Variants in IQANK1 observed in about 807,000 individuals in gnomAD.
IQANK1 encodes IQ motif and ankyrin repeat domain-containing protein 1.
IQANK1 carries 30 observed loss-of-function variants against 22.6 expected under a neutral mutation model. That is an observed-to-expected ratio of 1.33 (90% CI 0.99 to 1.80). IQANK1 has a LOEUF of 1.80. Among genes scored for constraint, IQANK1 ranks in the 40% most tolerant of loss-of-function variants. IQANK1 has a pLI of 0.00. For synonymous variants in IQANK1, 122 were observed against 99.6 expected (o/e 1.23, Z -1.34); for missense variants, 275 against 235.2 (o/e 1.17, Z -1.11).
At position 143,784,830 on chromosome 8, in the gene IQANK1, A is replaced by G. The variant is rs574685172; in HGVS notation, c.790-4085A>G. Reference sequence around the variant, plus strand: ...CAAATTGGTCAGGAAGTGTAATCCTATACTATGTCTAGAAGGTGGAAGGAC... The same window carrying G: ...CAAATTGGTCAGGAAGTGTAATCCTGTACTATGTCTAGAAGGTGGAAGGAC... On this transcript the variant is annotated intron_variant, in intron 7 of 13. Transcript: ENST00000527139. Among the ~76,000 whole-genome samples the G allele has an allele frequency of 2.6e-5, 4 of 152,364 alleles. 1 individual carries two copies. Among genetic ancestry groups the G allele is most frequent in the African/African-American group, 7.2e-5 (3 of 41,582 alleles).
chr8:143,749,287 AAATATAT>A (rs1215435601), intron 3 of IQANK1, among the ~76,000 whole-genome samples: 1 of 123,000 alleles, frequency 8.1e-6, no homozygotes, highest in Non-Finnish European at 1.6e-5. Flanking sequence ...ATATATATAA[AAATATAT>A]AATATATAAA....
Position 143,788,516 on chromosome 8 carries a change from G to A in IQANK1, c.790-399G>A, listed in dbSNP as rs75986611. ...AGACCACAGAGGAGGGAGCTCCAGT[G>A]TGCACATCCTGCGGGCCAGCCTCCT... On this transcript the variant is annotated intron_variant, in intron 7 of 13. Transcript: ENST00000527139. Among the ~76,000 whole-genome samples, 213 of 152,324 alleles carry A rather than the reference G, an allele frequency of 1.4e-3. 1 individual carries two copies. Among genetic ancestry groups the A allele is most frequent in the African/African-American group, 4.4e-3 (185 of 41,578 alleles).
At chr8:143,765,940 T>C (rs1251256024) in intron 3 of IQANK1, among the ~76,000 whole-genome samples, 1 of 152,184 alleles carries the variant, frequency 6.6e-6, no homozygotes, top group Non-Finnish European at 1.5e-5. Flanking sequence ...GGTGCACACA[T>C]CCATGCATTT....
At position 143,771,743 on chromosome 8, in the gene IQANK1, C is replaced by CCTCGGGG. The variant is rs535818139; in HGVS notation, c.307-49_307-43dup. 641 of 397,024 alleles carry CCTCGGGG rather than the reference C, an allele frequency of 1.6e-3. 2 individuals are homozygous for CCTCGGGG. Among genetic ancestry groups the CCTCGGGG allele is most frequent in the African/African-American group, 0.011 (553 of 48,452 alleles). 24.6% of individuals were successfully genotyped at this position (397,024 alleles called of 1,614,324 possible). On this transcript the variant is annotated intron_variant, in intron 4 of 13. Coordinates refer to ENST00000527139, the MANE Select transcript of IQANK1 (RefSeq NM_001381874.1). This position sits in a 1 kb window ranked among gnomAD's most constrained non-coding sequence, Gnocchi z 6.0. Reference sequence around the variant, plus strand: ...CCGACCTCAGAGGCGTGGACCGTGGCCTCGGGGCTCGGGGCGGTGGCGCGG... The same window carrying CCTCGGGG: ...CCGACCTCAGAGGCGTGGACCGTGGCCTCGGGGCTCGGGGCTCGGGGCGGTGGCGCGG...
intron 2 of IQANK1, among the ~76,000 whole-genome samples, chr8:143,738,428 G>A (rs1049356954): frequency 6.6e-6 from 1 of 152,202 alleles, no homozygotes; most frequent in Non-Finnish European, 1.5e-5. Flanking sequence ...TCGGGACTCT[G>A]GCTCTGCCTA....
chr8:143,769,755 G>A (rs903579026), intron 3 of IQANK1, among the ~76,000 whole-genome samples: 15 of 152,156 alleles, frequency 9.9e-5, no homozygotes, highest in Non-Finnish European at 1.8e-4. Context: ...TTTGAATGCC[G>A]TCAGACACTT....
chr8:143,786,706 C>A (rs894188840), intron 7 of IQANK1, among the ~76,000 whole-genome samples: 15 of 152,148 alleles, frequency 9.9e-5, no homozygotes, highest in African/African-American at 3.4e-4. Flanking sequence ...AGTGGAGATG[C>A]CAGGCTACCA....
intron 7 of IQANK1, among the ~76,000 whole-genome samples, chr8:143,788,553 A>G (rs1336000783): frequency 1.3e-5 from 2 of 152,252 alleles, no homozygotes; most frequent in Non-Finnish European, 2.9e-5. Context: ...CTCAGGAAGC[A>G]GCAGTGGCAC....
chr8:143,764,451 C>CAA (rs33978948), intron 3 of IQANK1, among the ~76,000 whole-genome samples: 5,929 of 129,354 alleles, frequency 0.046, 299 homozygotes, highest in African/African-American at 0.12. Flanking sequence ...TCCGTCGCTA[C>CAA]AAAAAAAAAA....
intron 3 of IQANK1, among the ~76,000 whole-genome samples, chr8:143,749,559 A>T (rs1269153177): frequency 2.3e-5 from 3 of 132,366 alleles, no homozygotes; most frequent in African/African-American, 8.7e-5. Context: ...GATATATATC[A>T]TATATATCAA....
In IQANK1 at chr8:143,771,882, C is replaced by G; in HGVS notation, c.388C>G (p.Arg130Gly). ...GGAGGAGGCGGCGCAGCGGGAGCGG[C>G]GGGAGGAGCTGCAGCGTCGCCGCCG... ...EQEEAAQRERREELQRRRRLL... is the reference protein window; with the variant it reads ...EQEEAAQRERGEELQRRRRLL... The change falls in exon 5 of 14, where the codon CGG becomes GGG. Residue 130 changes from arginine (R) to glycine (G), a missense_variant. Transcript: ENST00000527139. This position sits in a 1 kb window ranked among gnomAD's most constrained non-coding sequence, Gnocchi z 6.0. 1 of 393,370 alleles carries G rather than the reference C, an allele frequency of 2.5e-6. No homozygotes were observed. The highest frequency in any genetic ancestry group is 4.5e-6 in the Non-Finnish European group (1 of 223,134). 24.4% of individuals were successfully genotyped at this position (393,370 alleles called of 1,614,324 possible).
chr8:143,776,573 GGAACGTAGACAGAGCCAGGCATATTCTCT>G (rs1182599886), intron 7 of IQANK1, among the ~76,000 whole-genome samples: 3 of 152,066 alleles, frequency 2.0e-5, no homozygotes, highest in African/African-American at 7.2e-5. Context: ...ATAGGAAGGG[GGAACGTAGACAGAGCCAGGCATATTCTCT>G]GAGTTAAGGA....
At position 143,790,276 on chromosome 8, in the gene IQANK1, G is replaced by A; in HGVS notation, c.1424+5G>A. On this transcript the variant is annotated splice_donor_5th_base_variant and intron_variant, in intron 13 of 13. Coordinates refer to ENST00000527139, the MANE Select transcript of IQANK1 (RefSeq NM_001381874.1). ...GGCTCTGCTGGGGGCTCTGCGGTGA[G>A]GCAGGCAGGGTGACAGGTACACCCC... is the stretch of plus-strand genomic sequence containing the variant. The A allele has an allele frequency of 8.1e-7, 1 of 1,232,136 alleles. No homozygotes were observed. The highest frequency in any genetic ancestry group is 1.0e-6 in the Non-Finnish European group (1 of 988,034). The allele number at this position is 1,232,136 out of a possible 1,614,324, so 76.3% of individuals were successfully genotyped here.
chr8:143,786,189 C>T (rs1342208283), intron 7 of IQANK1, among the ~76,000 whole-genome samples: 1 of 152,200 alleles, frequency 6.6e-6, no homozygotes, highest in Non-Finnish European at 1.5e-5. Context: ...TGGTAGGAAT[C>T]ATTTGAAGCC....
chr8:143,778,474 T>C (rs1353570354), intron 7 of IQANK1, among the ~76,000 whole-genome samples: 2 of 152,188 alleles, frequency 1.3e-5, no homozygotes, highest in Non-Finnish European at 2.9e-5. Flanking sequence ...TAAATGTTCA[T>C]GCAGCTACTA....
At chr8:143,738,698 G>A (rs1212262466) in intron 2 of IQANK1, among the ~76,000 whole-genome samples, 2 of 149,114 alleles carry the variant, frequency 1.3e-5, no homozygotes, top group Admixed American at 6.6e-5. Flanking sequence ...AATGCCCCCC[G>A]CCCCCGCCCC....
intron 3 of IQANK1, among the ~76,000 whole-genome samples, chr8:143,749,133 GAT>G (rs1198506244): frequency 1.7e-5 from 2 of 120,092 alleles, no homozygotes; most frequent in African/African-American, 3.5e-5. Context: ...TAGCATATAT[GAT>G]ATATATCATA....
intron 3 of IQANK1, among the ~76,000 whole-genome samples, chr8:143,768,227 A>T (rs1819512866): frequency 6.6e-6 from 1 of 151,810 alleles, no homozygotes; most frequent in Non-Finnish European, 1.5e-5. Context: ...AGCAGAAATG[A>T]TGTTGTGTTT....
intron 3 of IQANK1, among the ~76,000 whole-genome samples, chr8:143,751,664 G>GTATA (rs71318622): frequency 0.12 from 7,331 of 61,584 alleles, 898 homozygotes; most frequent in East Asian, 0.5. Flanking sequence ...GTGTGTGTGT[G>GTATA]TATATATATA....
Sources: allele counts gnomAD v4.1 joint callset (sites outside exome capture counted in the v4.1 genomes callset), GRCh38; gene constraint gnomAD v4.1.1; non-coding constraint Gnocchi (gnomAD v3.1); transcripts MANE v1.5; gene names NCBI Gene and HGNC (gene_info 2026-07-23, HGNC 2026-07-21).